The following TLE4 variants were observed in gnomAD, a reference collection of about 807,000 sequenced individuals.
The protein encoded by TLE4 is transducin-like enhancer protein 4.
Under a neutral mutation model 92.8 loss-of-function variants are expected in TLE4, and 8 were observed. That is an observed-to-expected ratio of 0.09 (90% CI 0.05 to 0.16). TLE4 has a LOEUF of 0.16. Among genes scored for constraint, TLE4 ranks in the 10% least tolerant of loss-of-function variants. The pLI is 1.00. For synonymous variants in TLE4, 371 were observed against 374.1 expected, an observed-to-expected ratio of 0.99 and a Z score of 0.10; for missense variants, 675 against 997.6, an observed-to-expected ratio of 0.68 and a Z score of 4.36.
rs117801138 is a variant in TLE4 at position 79,650,441 on chromosome 9, A to G, written c.391-2152A>G. ...GTGGCTGTGTGTCCAAAACATACAC[A>G]AGGAGTATTAGGGGAATTTAGAGGA... On this transcript the variant is annotated intron_variant, in intron 6 of 19. Transcript: ENST00000376552. Among the ~76,000 whole-genome samples the G allele has an allele frequency of 8.5e-3, 1,293 of 152,302 alleles. 11 individuals are homozygous for G. Among genetic ancestry groups the G allele is most frequent in the Admixed American group, 0.013 (202 of 15,298 alleles).
At position 79,687,828 on chromosome 9, in the gene TLE4, A is replaced by T. The variant is rs979497974; in HGVS notation, c.610-16955A>T. 7.2e-5 allele frequency among the ~76,000 whole-genome samples: 11 copies of T among 152,190 alleles called. No individual in the cohort carries two copies. In the South Asian group the frequency reaches 8.3e-4, roughly 11 times the overall value. ...TGCATGAGTTACTTCGTCCCCTAGG[A>T]TTCAAGTTTCCTCCTGTTCAAAGTG... On this transcript the variant is annotated intron_variant, in intron 8 of 19. Transcript: ENST00000376552.
At chr9:79,708,891 G>C in intron 13 of TLE4, 105 bp downstream of exon 13, 1 of 1,356,124 alleles carries the variant, frequency 7.4e-7, no homozygotes, top group Non-Finnish European at 9.9e-7. Context: ...GAGTGCAGTG[G>C]CATGATCTTG....
At chr9:79,616,353 T>A (rs1382326879) in intron 5 of TLE4, among the ~76,000 whole-genome samples, 1 of 152,114 alleles carries the variant, frequency 6.6e-6, no homozygotes, top group African/African-American at 2.4e-5. Context: ...GTGAAACACA[T>A]CCAATGTCTG....
intron 15 of TLE4, among the ~76,000 whole-genome samples, chr9:79,719,268 G>C (rs1035845470): frequency 6.6e-6 from 1 of 152,128 alleles, no homozygotes; most frequent in East Asian, 1.9e-4. Flanking sequence ...AGCCCATACA[G>C]TGACTATGAG....
chr9:79,662,162 A>T (rs1475975415), intron 8 of TLE4, among the ~76,000 whole-genome samples: 5 of 152,222 alleles, frequency 3.3e-5, no homozygotes, highest in Non-Finnish European at 7.3e-5. Context: ...GTTGTAAGTG[A>T]ACTTTCTAAG....
chr9:79,645,604 C>G (rs1048226045), intron 6 of TLE4, among the ~76,000 whole-genome samples: 4 of 152,160 alleles, frequency 2.6e-5, no homozygotes, highest in Admixed American at 6.5e-5. Context: ...CCCTTTGTGC[C>G]AAACTTGAAA....
At chr9:79,712,778 C>T (rs2073647327) in intron 14 of TLE4, among the ~76,000 whole-genome samples, 1 of 152,224 alleles carries the variant, frequency 6.6e-6, no homozygotes, top group Non-Finnish European at 1.5e-5. Flanking sequence ...AATGGCCCTT[C>T]TCCTTCACCT....
chr9:79,704,799 C>T lies in TLE4; in HGVS notation c.626C>T (p.Pro209Leu). Residue 209 changes from proline to leucine, a missense_variant, in exon 9 of 20, where the codon CCA (proline) becomes CTA (leucine). By Grantham distance (98) the Pro-to-Leu change is moderately conservative. Coordinates refer to ENST00000376552, the MANE Select transcript of TLE4 (RefSeq NM_007005.6). ...TAATTCCAGAGCTCTTCAGTATCCC[C>T]ATCAGCCAGTTTCCGAGGTGCTGAG... ...RDSIKSSSVS[P>L]SASFRGAEKH... The T allele has an allele frequency of 6.2e-7, 1 of 1,614,110 alleles. No homozygotes were observed. The highest frequency in any genetic ancestry group is 8.5e-7 in the Non-Finnish European group (1 of 1,180,018).
chr9:79,616,823 C>A (rs2049753884), intron 5 of TLE4, among the ~76,000 whole-genome samples: 1 of 152,136 alleles, frequency 6.6e-6, no homozygotes, highest in Non-Finnish European at 1.5e-5. Flanking sequence ...CACTGTTACA[C>A]CCTGGCAGTA....
chr9:79,573,553 G>A (rs2036597229), intron 1 of TLE4, 136 bp from the exon 2 acceptor site: 3 of 836,948 alleles, frequency 3.6e-6, no homozygotes, highest in Middle Eastern at 3.0e-4. Flanking sequence ...AGGGTTGCGG[G>A]AGGAGAGTTT....
At chr9:79,620,206 T>A (rs2050624417) in intron 5 of TLE4, among the ~76,000 whole-genome samples, 1 of 152,250 alleles carries the variant, frequency 6.6e-6, no homozygotes, top group Non-Finnish European at 1.5e-5. Flanking sequence ...GAGCTAAGTT[T>A]GAAGGTACCT....
At chr9:79,707,451 G>A (rs1241203039) in intron 11 of TLE4, among the ~76,000 whole-genome samples, 1 of 152,144 alleles carries the variant, frequency 6.6e-6, no homozygotes, top group Admixed American at 6.5e-5. Context: ...GCAACTTTGT[G>A]TGGTGTGTCT....
Position 79,706,191 on chromosome 9 carries a change from C to T in TLE4, c.783+249C>T, listed in dbSNP as rs13287387. On this transcript the variant is annotated intron_variant, in intron 10 of 19. Coordinates refer to ENST00000376552, the MANE Select transcript of TLE4 (RefSeq NM_007005.6). ...TCCCGAGTAGCTGGAACTACAGGCA[C>T]GTGCCACCACGCTTGGCTCATATTT... Among the ~76,000 whole-genome samples, 461 of 152,102 alleles carry T rather than the reference C, an allele frequency of 3.0e-3. 1 individual carries two copies. Among genetic ancestry groups the T allele is most frequent in the Middle Eastern group, 0.014 (4 of 294 alleles).
intron 8 of TLE4, among the ~76,000 whole-genome samples, chr9:79,691,399 G>A (rs1272437060): frequency 6.6e-6 from 1 of 152,212 alleles, no homozygotes; most frequent in Non-Finnish European, 1.5e-5. Context: ...GAGGTAGGCA[G>A]TGTAATCTTT....
intron 7 of TLE4, among the ~76,000 whole-genome samples, chr9:79,653,833 C>T (rs1373325995): frequency 6.6e-6 from 1 of 152,064 alleles, no homozygotes; most frequent in African/African-American, 2.4e-5. Context: ...TAAGAATGTC[C>T]AGCTTTGGTT....
In TLE4 at chr9:79,618,627, T is replaced by C. The variant is rs940719078; in HGVS notation, c.315+5909T>C. Among the ~76,000 whole-genome samples the C allele has an allele frequency of 3.9e-5, 6 of 152,192 alleles. No individual in the cohort carries two copies. The East Asian group carries it at 7.7e-4, about 20-fold the overall frequency. On this transcript the variant is annotated intron_variant, in intron 5 of 19. Coordinates refer to ENST00000376552, the MANE Select transcript of TLE4 (RefSeq NM_007005.6). ...CAAGGAGGATGGACATTTTCCTCCT[T>C]CTACACTCCTGTAATTCCATGACTG...
rs750427716 is a variant in TLE4, at chr9:79,722,447, C to G, written c.1987-4C>G. 2 of 1,613,874 alleles carry G rather than the reference C, an allele frequency of 1.2e-6. No homozygotes were observed. Among genetic ancestry groups the G allele is most frequent in the African/African-American group, 1.3e-5 (1 of 74,926 alleles). On this transcript the variant is annotated splice_polypyrimidine_tract_variant and splice_region_variant and intron_variant, in intron 17 of 19. Transcript: ENST00000376552. ...ACTGTCACCATCACCTGTTTTAATT[C>G]TAGATCTTTTCTCTGGGCTACTGCC...
chr9:79,607,896 T>C (rs2047466979), intron 4 of TLE4, among the ~76,000 whole-genome samples: 1 of 152,010 alleles, frequency 6.6e-6, no homozygotes, highest in South Asian at 2.1e-4. Context: ...TTTTTTTGGT[T>C]CCATATGAAC....
At chr9:79,639,724 G>A (rs950678591) in intron 6 of TLE4, among the ~76,000 whole-genome samples, 2 of 152,076 alleles carry the variant, frequency 1.3e-5, no homozygotes, top group African/African-American at 4.8e-5. Flanking sequence ...GTAACATGCT[G>A]TTCAGGTTTG....
Sources: allele counts gnomAD v4.1 joint callset (sites outside exome capture counted in the v4.1 genomes callset), GRCh38; gene constraint gnomAD v4.1.1; transcripts MANE v1.5; gene names NCBI Gene and HGNC (gene_info 2026-07-23, HGNC 2026-07-21).